LEKR1: variants seen among roughly 807,000 people sequenced by gnomAD.
The protein encoded by LEKR1 is leucine, glutamate and lysine rich 1.
LEKR1 carries 59 observed loss-of-function variants against 72.4 expected under a neutral mutation model. That is an observed-to-expected ratio of 0.82 (90% CI 0.66 to 1.01). LEKR1 has a LOEUF of 1.01. Among genes scored for constraint, LEKR1 ranks in the 50% least tolerant of loss-of-function variants. The pLI, the probability that LEKR1 is intolerant of heterozygous loss-of-function variation, is 0.00. For missense variants in LEKR1, 728 were observed against 759.2 expected (o/e 0.96, Z 0.48); for synonymous variants, 257 against 263.2 (o/e 0.98, Z 0.23).
In LEKR1 at chr3:156,829,293, T is replaced by C. The variant is rs1430928987; in HGVS notation, c.-37T>C. ...TGCCATCAATGTTCTTAGATTTCCT[T>C]TGGCTTCAAAGCTCTCTCACCATAT... is the stretch of plus-strand genomic sequence containing the variant. On this transcript the variant is annotated 5_prime_UTR_variant, in exon 2 of 13. Coordinates refer to ENST00000356539, the MANE Select transcript of LEKR1 (RefSeq NM_001004316.3). 1 of 1,368,490 alleles carries C rather than the reference T, an allele frequency of 7.3e-7. No homozygotes were observed. Among genetic ancestry groups the C allele is most frequent in the Non-Finnish European group, 1.0e-6 (1 of 996,906 alleles). The allele number at this position is 1,368,490 out of a possible 1,614,324, so 84.8% of individuals were successfully genotyped here.
intron 6 of LEKR1, among the ~76,000 whole-genome samples, chr3:156,970,183 CTG>C (rs1199092219): frequency 1.3e-5 from 2 of 152,200 alleles, no homozygotes; most frequent in Non-Finnish European, 2.9e-5. Context: ...TGGGCAAAAA[CTG>C]GAAGCATTCC....
chr3:156,955,268 G>A (rs1576893421), intron 6 of LEKR1, among the ~76,000 whole-genome samples: 1 of 151,712 alleles, frequency 6.6e-6, no homozygotes, highest in African/African-American at 2.4e-5. Flanking sequence ...AGGTTTCTAG[G>A]TGTAGGATCA....
At chr3:156,907,643 C>T (rs1722657899) in intron 3 of LEKR1, among the ~76,000 whole-genome samples, 1 of 151,990 alleles carries the variant, frequency 6.6e-6, no homozygotes, top group Non-Finnish European at 1.5e-5. Context: ...CCAAGTCATT[C>T]TTTTCAAAAA....
chr3:156,966,198 T>G (rs972916854), intron 6 of LEKR1, among the ~76,000 whole-genome samples: 1 of 152,000 alleles, frequency 6.6e-6, no homozygotes, highest in African/African-American at 2.4e-5. Flanking sequence ...GCTCCCAGCA[T>G]GAGTGACGCA....
At chr3:156,982,853 GTGTAGATAGATAGATAGATAGA>G (rs1199081271) in intron 7 of LEKR1, among the ~76,000 whole-genome samples, 4 of 137,604 alleles carry the variant, frequency 2.9e-5, no homozygotes, top group African/African-American at 8.1e-5. Flanking sequence ...GTGTGTGTGT[GTGTAGATAGATAGATAGATAGA>G]TAGATAGATA....
chr3:156,875,280 A>G (rs968661875), intron 3 of LEKR1, among the ~76,000 whole-genome samples: 1 of 152,122 alleles, frequency 6.6e-6, no homozygotes, highest in Non-Finnish European at 1.5e-5. Flanking sequence ...ATAATTGGTG[A>G]TGTTGAGCAT....
At chr3:157,020,651 G>T (rs1733758091) in intron 10 of LEKR1, among the ~76,000 whole-genome samples, 1 of 151,360 alleles carries the variant, frequency 6.6e-6, no homozygotes, top group Non-Finnish European at 1.5e-5. Context: ...GTGTATATGT[G>T]CCACATTTTC....
chr3:156,936,465 A>ACACACC (rs1553807828), intron 5 of LEKR1, among the ~76,000 whole-genome samples: 6 of 133,412 alleles, frequency 4.5e-5, no homozygotes, highest in South Asian at 4.9e-4. Context: ...ACACACACAC[A>ACACACC]CCCCCCGTAT....
chr3:156,956,283 C>T (rs1398704765), intron 6 of LEKR1, among the ~76,000 whole-genome samples: 1 of 151,938 alleles, frequency 6.6e-6, no homozygotes, highest in Non-Finnish European at 1.5e-5. Flanking sequence ...CAGTTGATCC[C>T]TCTACTCCTT....
intron 2 of LEKR1, among the ~76,000 whole-genome samples, chr3:156,846,968 A>G (rs1172056010): frequency 6.6e-6 from 1 of 152,016 alleles, no homozygotes; most frequent in Non-Finnish European, 1.5e-5. Context: ...GCACACCACC[A>G]CGCCTGGCTA....
intron 12 of LEKR1, among the ~76,000 whole-genome samples, chr3:157,045,080 A>G (rs914392665): frequency 6.6e-6 from 1 of 152,186 alleles, no homozygotes; most frequent in Middle Eastern, 3.2e-3. Flanking sequence ...AACCCTGGAC[A>G]GGTCACTCAG....
At chr3:156,856,940 A>G (rs1716136240) in intron 3 of LEKR1, among the ~76,000 whole-genome samples, 1 of 152,046 alleles carries the variant, frequency 6.6e-6, no homozygotes, top group African/African-American at 2.4e-5. Context: ...TTGGACCTGT[A>G]GAACAGTGTT....
At chr3:156,884,324 C>T (rs758687771) in intron 3 of LEKR1, among the ~76,000 whole-genome samples, 5 of 152,114 alleles carry the variant, frequency 3.3e-5, no homozygotes, top group South Asian at 4.1e-4. Flanking sequence ...TTAGTTGTTG[C>T]GTTAATACCT....
At chr3:156,827,684 G>A (rs1477609621) in intron 1 of LEKR1, among the ~76,000 whole-genome samples, 1 of 152,148 alleles carries the variant, frequency 6.6e-6, no homozygotes, top group Non-Finnish European at 1.5e-5. Flanking sequence ...TTTCTGGGTT[G>A]GCAGGACTTT....
At chr3:156,940,863 T>A (rs944552495) in intron 5 of LEKR1, among the ~76,000 whole-genome samples, 3 of 152,144 alleles carry the variant, frequency 2.0e-5, no homozygotes, top group African/African-American at 7.2e-5. Context: ...TGGCATATGA[T>A]AAATAGGTGA....
In LEKR1 at chr3:156,961,163, T is replaced by C. The variant is rs1576903348; in HGVS notation, c.746-18031T>C. Reference sequence around the variant, plus strand: ...TTCCAAGTGAAAAAACTTTTGACTTTTTAATTTTAGTAAGCTGTTCAGTAT... The same window carrying C: ...TTCCAAGTGAAAAAACTTTTGACTTCTTAATTTTAGTAAGCTGTTCAGTAT... On this transcript the variant is annotated intron_variant, in intron 6 of 12. Coordinates refer to ENST00000356539, the MANE Select transcript of LEKR1 (RefSeq NM_001004316.3). Among the ~76,000 whole-genome samples the C allele has an allele frequency of 2.6e-5, 4 of 152,256 alleles. No homozygotes were observed. The South Asian group carries it at 8.3e-4, about 31-fold the overall frequency.
At chr3:156,905,354 G>C (rs1003060253) in intron 3 of LEKR1, among the ~76,000 whole-genome samples, 1 of 151,892 alleles carries the variant, frequency 6.6e-6, no homozygotes, top group Non-Finnish European at 1.5e-5. Context: ...TAACAGTAAG[G>C]GTATATTTGA....
intron 3 of LEKR1, among the ~76,000 whole-genome samples, chr3:156,897,043 A>G (rs1721260819): frequency 6.6e-6 from 1 of 152,206 alleles, no homozygotes. Flanking sequence ...ACTGGGGCCT[A>G]CTTGAGGATA....
At chr3:156,963,233 G>A (rs1369884261) in intron 6 of LEKR1, among the ~76,000 whole-genome samples, 3 of 152,170 alleles carry the variant, frequency 2.0e-5, no homozygotes, top group Non-Finnish European at 2.9e-5. Flanking sequence ...TGTCTTCTCT[G>A]TCATACACGG....
Sources: gnomAD v4.1 joint callset for allele counts (sites outside exome capture counted in the v4.1 genomes callset) on GRCh38, gnomAD v4.1.1 for gene constraint, MANE v1.5 for transcripts, NCBI Gene and HGNC (gene_info 2026-07-23, HGNC 2026-07-21) for gene names.